The following RASA1 variants were observed in gnomAD, a reference collection of about 807,000 sequenced individuals.
RASA1 encodes ras GTPase-activating protein 1.
RASA1 carries 25 observed loss-of-function variants against 132.2 expected under a neutral mutation model. That is an observed-to-expected ratio of 0.19 (90% CI 0.14 to 0.26). The LOEUF (loss-of-function observed/expected upper bound fraction) is 0.26, where lower values mean the gene tolerates loss of function less well. RASA1 is among the 10% of genes least tolerant of loss of function. The pLI is 1.00. For missense variants in RASA1, 964 were observed against 1,299.2 expected (o/e 0.74, Z 3.97); for synonymous variants, 477 against 449.9 (o/e 1.06, Z -0.76).
intron 9 of RASA1, 43 bp from the exon 10 acceptor site, chr5:87,362,508 A>G (rs767831653): frequency 6.4e-7 from 1 of 1,551,284 alleles, no homozygotes; most frequent in African/African-American, 1.4e-5. Context: ...CTTCATTTCC[A>G]TCAAGAATGT....
intron 1 of RASA1, among the ~76,000 whole-genome samples, chr5:87,288,967 A>T (rs781486403): frequency 1.3e-5 from 2 of 152,206 alleles, no homozygotes; most frequent in African/African-American, 2.4e-5. Context: ...AAAACCAAAT[A>T]TAATGAATTT....
intron 12 of RASA1, among the ~76,000 whole-genome samples, chr5:87,371,803 T>C (rs1760963046): frequency 6.6e-6 from 1 of 152,156 alleles, no homozygotes; most frequent in South Asian, 2.1e-4. Context: ...AGGTAGTATC[T>C]GTTTGGGAGA....
chr5:87,376,336 C>T, intron 15 of RASA1, 57 bp from the exon 16 acceptor site: 2 of 1,587,780 alleles, frequency 1.3e-6, no homozygotes, highest in South Asian at 1.1e-5. Flanking sequence ...AATTTACTTG[C>T]ATGACTAATT....
chr5:87,378,627 A>G (rs995158983), intron 18 of RASA1, 89 bp downstream of exon 18: 1 of 1,338,666 alleles, frequency 7.5e-7, no homozygotes, highest in Non-Finnish European at 1.0e-6. Flanking sequence ...TAAGGAAAAT[A>G]TATTAAATTT....
chr5:87,360,723 T>C (rs1459125318), intron 9 of RASA1, among the ~76,000 whole-genome samples: 4 of 152,154 alleles, frequency 2.6e-5, no homozygotes, highest in African/African-American at 9.7e-5. Context: ...CACTCAGTGA[T>C]TGAGTTTGAG....
Position 87,390,828 on chromosome 5 carries a change from C to T in RASA1, c.3089C>T (p.Thr1030Ile), listed in dbSNP as rs1762461168. 6.2e-7 allele frequency: 1 copy of T among 1,613,394 alleles called. No individual in the cohort carries two copies. Among genetic ancestry groups the T allele is most frequent in the African/African-American group, 1.3e-5 (1 of 74,904 alleles). ...GTATTGAAAAAGCTTCTGGCTATAA[C>T]AGAACTGCTTCAACAAAAACAAAAC... ...QHVLKKLLAI[T>I]ELLQQKQNQY... The change falls in exon 25 of 25, where the codon ACA becomes ATA. Residue 1030 changes from threonine (T) to isoleucine (I), a missense_variant. By Grantham distance (89) the Thr-to-Ile change is moderately conservative. This residue lies in a region of RASA1 where 107 missense variants were observed against 163.8 expected (regional missense o/e 0.65). Coordinates refer to ENST00000274376, the MANE Select transcript of RASA1 (RefSeq NM_002890.3).
rs1753643773 is a variant in RASA1, at chr5:87,268,059, T to C, written c.-393T>C. The stretch of plus-strand genomic sequence containing the variant: ...GCGGTGTGGGTGGCCGGAACTGGGG[T>C]GGTGAAGAAGCGGTGGTGGCGGCTG... On this transcript the variant is annotated 5_prime_UTR_variant, in exon 1 of 25. Coordinates refer to ENST00000274376, the MANE Select transcript of RASA1 (RefSeq NM_002890.3). The C allele has an allele frequency of 2.5e-6, 1 of 406,844 alleles. No homozygotes were observed. Among genetic ancestry groups the C allele is most frequent in the African/African-American group, 2.1e-5 (1 of 48,274 alleles). The allele number at this position is 406,844 out of a possible 1,614,324, so 25.2% of individuals were successfully genotyped here.
intron 1 of RASA1, among the ~76,000 whole-genome samples, chr5:87,306,311 T>A (rs1432354578): frequency 6.6e-6 from 1 of 152,188 alleles, no homozygotes; most frequent in Non-Finnish European, 1.5e-5. Flanking sequence ...GATTATGTCC[T>A]TTGCGGGGAC....
intron 1 of RASA1, among the ~76,000 whole-genome samples, chr5:87,284,982 G>A (rs1023214373): frequency 1.3e-5 from 2 of 151,838 alleles, no homozygotes; most frequent in African/African-American, 4.8e-5. Context: ...TAACATTAAA[G>A]TTAGTGTCAG....
At chr5:87,304,939 CTTTTTTTTTTTTTT>C (rs756572506) in intron 1 of RASA1, among the ~76,000 whole-genome samples, 2 of 64,412 alleles carry the variant, frequency 3.1e-5, no homozygotes, top group East Asian at 3.9e-4. Context: ...TCTTTTAGTC[CTTTTTTTTTTTTTT>C]TTTTTTTTTG....
At position 87,386,923 on chromosome 5, in the gene RASA1, G is replaced by T. The variant is rs1290076478; in HGVS notation, c.2925+20G>T. The T allele has an allele frequency of 2.5e-6, 4 of 1,595,332 alleles. No individual in the cohort carries two copies. The South Asian group carries it at 3.3e-5, about 13-fold the overall frequency. On this transcript the variant is annotated intron_variant, in intron 23 of 24. Transcript: ENST00000274376. ...CTTGGGGTATGTATATAGTTTTCAG[G>T]TACTTTTTTTAAGACTTCTAGTTGA...
chr5:87,288,968 T>G (rs551926700), intron 1 of RASA1, among the ~76,000 whole-genome samples: 22 of 152,294 alleles, frequency 1.4e-4, no homozygotes, highest in Middle Eastern at 3.4e-3. Context: ...AAACCAAATA[T>G]AATGAATTTA....
At chr5:87,364,445 GT>G (rs1335559227) in intron 11 of RASA1, among the ~76,000 whole-genome samples, 2 of 152,108 alleles carry the variant, frequency 1.3e-5, no homozygotes, top group South Asian at 2.1e-4. Context: ...TTTAGCTAGT[GT>G]TTATATTGTG....
intron 1 of RASA1, among the ~76,000 whole-genome samples, chr5:87,271,810 C>T (rs1753854506): frequency 6.6e-6 from 1 of 151,834 alleles, no homozygotes; most frequent in Admixed American, 6.6e-5. Context: ...TTTAGGTTCT[C>T]AGCAAAATTG....
intron 1 of RASA1, among the ~76,000 whole-genome samples, chr5:87,290,571 T>A (rs1754871190): frequency 6.6e-6 from 1 of 152,234 alleles, no homozygotes; most frequent in Non-Finnish European, 1.5e-5. Context: ...AAATGTTTAA[T>A]GACATGTATC....
At position 87,349,499 on chromosome 5, in the gene RASA1, A is replaced by G. The variant is rs1759104639; in HGVS notation, c.1253+135A>G. ...TATAAGACCTTCAATATAATTTCAT[A>G]GTAGTCATGCCCAAGAATTCTTTAG... On this transcript the variant is annotated intron_variant, in intron 8 of 24. Transcript: ENST00000274376. 4 of 1,027,308 alleles carry G rather than the reference A, an allele frequency of 3.9e-6. No individual in the cohort carries two copies. In the Middle Eastern group the frequency reaches 9.4e-4, roughly 242 times the overall value. The allele number at this position is 1,027,308 out of a possible 1,614,324, so 63.6% of individuals were successfully genotyped here. A position where few individuals can be genotyped will look rare whatever the true frequency, so the allele number is the denominator to read the frequency against.
At chr5:87,295,619 C>T (rs1188395926) in intron 1 of RASA1, among the ~76,000 whole-genome samples, 1 of 151,998 alleles carries the variant, frequency 6.6e-6, no homozygotes, top group Admixed American at 6.6e-5. Context: ...ATCCTCCCAC[C>T]TCAGCCTCTT....
At chr5:87,378,644 T>G in intron 18 of RASA1, 106 bp downstream of exon 18, 1 of 1,213,978 alleles carries the variant, frequency 8.2e-7, no homozygotes, top group Non-Finnish European at 1.2e-6. Context: ...ATTTCTAAAA[T>G]TATTCCTCAT....
intron 6 of RASA1, among the ~76,000 whole-genome samples, chr5:87,342,464 T>C (rs577944942): frequency 5.9e-5 from 9 of 152,038 alleles, no homozygotes; most frequent in Non-Finnish European, 1.2e-4. Context: ...CAGCTAGGAG[T>C]TGCAAATTCT....
Sources: allele counts gnomAD v4.1 joint callset (sites outside exome capture counted in the v4.1 genomes callset), GRCh38; gene constraint gnomAD v4.1.1; regional missense constraint gnomAD v4.1.1; transcripts MANE v1.5; gene names NCBI Gene and HGNC (gene_info 2026-07-23, HGNC 2026-07-21).